Variants in OSBPL1A observed in about 807,000 individuals in gnomAD.
The protein encoded by OSBPL1A is oxysterol binding protein like 1A.
A neutral mutation model predicts 137.1 loss-of-function variants in OSBPL1A; 80 were observed. That is an observed-to-expected ratio of 0.58 (90% confidence interval 0.49 to 0.70). The LOEUF is 0.70. Ranked by LOEUF, OSBPL1A falls within the 30% of genes least tolerant of loss-of-function variation. OSBPL1A has a pLI of 0.00. For synonymous variants in OSBPL1A, 365 were observed against 389.7 expected, an observed-to-expected ratio of 0.94 and a Z score of 0.75; for missense variants, 970 against 1,129.4, an observed-to-expected ratio of 0.86 and a Z score of 2.02.
At chr18:24,303,766 T>C (rs1226578673) in intron 13 of OSBPL1A, 48 bp from the exon 14 acceptor site, 1 of 1,460,732 alleles carries the variant, frequency 6.8e-7, no homozygotes, top group African/African-American at 1.4e-5. Context: ...TAAAAGATTT[T>C]ACATTACTTA....
chr18:24,366,716 T>C (rs971415373), intron 4 of OSBPL1A, 176 bp downstream of exon 4: 6 of 513,518 alleles, frequency 1.2e-5, no homozygotes, highest in African/African-American at 9.8e-5. Flanking sequence ...ACCTTAGTAC[T>C]GGACCTCACT....
At position 24,377,423 on chromosome 18, in the gene OSBPL1A, A is replaced by C; in HGVS notation, c.111T>G (p.Ile37Met). ...CCATTCAAAGTTTACCTTTGCAATTAATGTCAGCAATCACTTCATTCCTCG... is the reference window on the plus strand; with the variant it reads ...CCATTCAAAGTTTACCTTTGCAATTCATGTCAGCAATCACTTCATTCCTCG... ...TMARNEVIADINCKGRSKSNL... is the reference protein window; with the variant it reads ...TMARNEVIADMNCKGRSKSNL... Residue 37 changes from isoleucine (I) to methionine (M), a missense_variant, in exon 2 of 28, where the codon ATT becomes ATG. Physicochemically the swap from Ile to Met is conservative, Grantham distance 10. This residue lies in a region of OSBPL1A where 647 missense variants were observed against 672.6 expected (regional missense o/e 0.96). Coordinates refer to ENST00000319481, the MANE Select transcript of OSBPL1A (RefSeq NM_080597.4). The C allele has an allele frequency of 3.7e-6, 6 of 1,607,132 alleles. No homozygotes were observed. Among genetic ancestry groups the C allele is most frequent in the Non-Finnish European group, 5.1e-6 (6 of 1,178,334 alleles).
chr18:24,219,766 G>A (rs2087826330), intron 17 of OSBPL1A, among the ~76,000 whole-genome samples: 1 of 152,200 alleles, frequency 6.6e-6, no homozygotes, highest in African/African-American at 2.4e-5. Context: ...TCAATGGCCT[G>A]AGGAAAGATG....
chr18:24,261,399 TGGA>T (rs1372308943), intron 15 of OSBPL1A, among the ~76,000 whole-genome samples: 2 of 152,158 alleles, frequency 1.3e-5, no homozygotes, highest in Admixed American at 6.5e-5. Flanking sequence ...TTTAAATACG[TGGA>T]GTTTATTGTA....
intron 2 of OSBPL1A, among the ~76,000 whole-genome samples, chr18:24,370,801 G>A (rs907939886): frequency 2.6e-5 from 4 of 152,190 alleles, no homozygotes; most frequent in African/African-American, 9.6e-5. Flanking sequence ...CCGAGTAGCC[G>A]GGACCACAGG....
chr18:24,321,582 C>A, intron 7 of OSBPL1A: 1 of 445,712 alleles, frequency 2.2e-6, no homozygotes, highest in Non-Finnish European at 4.5e-6. Flanking sequence ...AGCTACTGTA[C>A]CTGGCCTTAA....
At chr18:24,346,906 CTATT>C (rs2091355337) in intron 4 of OSBPL1A, among the ~76,000 whole-genome samples, 1 of 84,592 alleles carries the variant, frequency 1.2e-5, no homozygotes, top group African/African-American at 6.2e-5. Flanking sequence ...CTGTGCCTAG[CTATT>C]TTTTTTTTTT....
At chr18:24,265,531 A>C (rs567619099) in intron 15 of OSBPL1A, among the ~76,000 whole-genome samples, 8 of 152,284 alleles carry the variant, frequency 5.3e-5, no homozygotes, top group African/African-American at 1.9e-4. Context: ...TATGCTCACA[A>C]ATCATTTCTA....
chr18:24,308,907 A>C (rs996869570), intron 13 of OSBPL1A, among the ~76,000 whole-genome samples: 3 of 151,976 alleles, frequency 2.0e-5, no homozygotes, highest in Non-Finnish European at 4.4e-5. Context: ...AGTAGCTGGG[A>C]CTACAGGCGC....
At chr18:24,224,573 G>T (rs1391002615) in intron 17 of OSBPL1A, among the ~76,000 whole-genome samples, 1 of 152,168 alleles carries the variant, frequency 6.6e-6, no homozygotes, top group Non-Finnish European at 1.5e-5. Flanking sequence ...GGTATGTTCA[G>T]CAAGTCCTGG....
At position 24,162,243 on chromosome 18, in the gene OSBPL1A, A is replaced by G. The variant is rs2086033418; in HGVS notation, c.*936T>C. The G allele has an allele frequency of 6.6e-6, 1 of 152,168 alleles. No homozygotes were observed. Among genetic ancestry groups the G allele is most frequent in the Non-Finnish European group, 1.5e-5 (1 of 68,034 alleles). 9.4% of individuals were successfully genotyped at this position (152,168 alleles called of 1,614,324 possible). A position where few individuals can be genotyped will look rare whatever the true frequency, so the allele number is the denominator to read the frequency against. ...GTGCCCCAATTAAAGGGGCAAAACT[A>G]CTGTACAGTAGGTCTCCACACATAT... On this transcript the variant is annotated 3_prime_UTR_variant, in exon 28 of 28. Transcript: ENST00000319481.
chr18:24,306,789 A>T (rs1461760014), intron 13 of OSBPL1A, among the ~76,000 whole-genome samples: 1 of 152,226 alleles, frequency 6.6e-6, no homozygotes, highest in Non-Finnish European at 1.5e-5. Flanking sequence ...CATAAAGTGA[A>T]TTCCTTTTTT....
intron 14 of OSBPL1A, among the ~76,000 whole-genome samples, chr18:24,295,802 G>A (rs181942874): frequency 6.6e-6 from 1 of 150,732 alleles, no homozygotes; most frequent in East Asian, 1.9e-4. Context: ...TCAGTTGGCT[G>A]TATAATATTT....
chr18:24,385,155 T>C (rs576390618), intron 1 of OSBPL1A, among the ~76,000 whole-genome samples: 15 of 152,018 alleles, frequency 9.9e-5, no homozygotes, highest in Middle Eastern at 3.4e-3. Flanking sequence ...AGGGTTTCAC[T>C]GTGTTAGCCA....
chr18:24,377,773 G>A (rs1218434890), intron 1 of OSBPL1A, among the ~76,000 whole-genome samples: 1 of 152,144 alleles, frequency 6.6e-6, no homozygotes, highest in Non-Finnish European at 1.5e-5. Context: ...TAAGGCCTTA[G>A]TTTCCTCATC....
At chr18:24,272,155 G>C in intron 15 of OSBPL1A, 1 of 983,924 alleles carries the variant, frequency 1.0e-6, no homozygotes, top group Non-Finnish European at 1.2e-6. Context: ...TGGGCTCTAC[G>C]TGAGTGCCGC....
chr18:24,201,140 C>T (rs959004982), intron 17 of OSBPL1A, among the ~76,000 whole-genome samples: 16 of 152,104 alleles, frequency 1.1e-4, no homozygotes, highest in Non-Finnish European at 1.3e-4. Context: ...AGAGAACACA[C>T]CCTGTACCAG....
At chr18:24,376,225 C>T (rs755665281) in intron 2 of OSBPL1A, among the ~76,000 whole-genome samples, 10 of 152,144 alleles carry the variant, frequency 6.6e-5, no homozygotes, top group African/African-American at 9.7e-5. Flanking sequence ...TGACAGGGTG[C>T]TGATTGGTAC....
chr18:24,388,324 C>CAAAT (rs1907074137), intron 1 of OSBPL1A, among the ~76,000 whole-genome samples: 1 of 152,102 alleles, frequency 6.6e-6, no homozygotes, highest in Admixed American at 6.5e-5. Context: ...AGTAGGCAAC[C>CAAAT]AAATATTAGT....
Sources: gnomAD v4.1 joint callset for allele counts (sites outside exome capture counted in the v4.1 genomes callset) on GRCh38, gnomAD v4.1.1 for gene constraint, gnomAD v4.1.1 regional missense constraint, MANE v1.5 for transcripts, NCBI Gene and HGNC (gene_info 2026-07-23, HGNC 2026-07-21) for gene names.